Variants in FOXP1 observed in about 807,000 individuals in gnomAD.
FOXP1 encodes forkhead box P1.
Under a neutral mutation model 98.2 loss-of-function variants are expected in FOXP1, and 15 were observed. That is an observed-to-expected ratio of 0.15 (90% CI 0.10 to 0.24). The LOEUF (loss-of-function observed/expected upper bound fraction) is 0.24. Ranked by LOEUF, FOXP1 falls within the 10% of genes least tolerant of loss-of-function variation. The pLI is 1.00. For synonymous variants in FOXP1, 371 were observed against 314.5 expected, an observed-to-expected ratio of 1.18 and a Z score of -1.90; for missense variants, 633 against 848.5, an observed-to-expected ratio of 0.75 and a Z score of 3.15.
intron 6 of FOXP1, among the ~76,000 whole-genome samples, chr3:71,190,188 G>A (rs1017382714): frequency 6.6e-6 from 1 of 152,048 alleles, no homozygotes; most frequent in Non-Finnish European, 1.5e-5. Flanking sequence ...TCTTCCTACT[G>A]CCTCCATAGT....
At chr3:71,344,828 G>A (rs1014826780) in intron 4 of FOXP1, among the ~76,000 whole-genome samples, 17 of 123,428 alleles carry the variant, frequency 1.4e-4, no homozygotes, top group African/African-American at 3.5e-4. Context: ...GCGAGAGTCC[G>A]TCTCAATTAA....
chr3:71,518,697 G>T (rs1356739469), intron 2 of FOXP1, among the ~76,000 whole-genome samples: 1 of 152,190 alleles, frequency 6.6e-6, no homozygotes, highest in African/African-American at 2.4e-5. Context: ...TTGCAAGAGA[G>T]GCCTTGTCAA....
chr3:71,197,864 T>G (rs757195307), intron 6 of FOXP1: 13 of 1,613,054 alleles, frequency 8.1e-6, no homozygotes, highest in East Asian at 4.5e-5. Context: ...TATTTTTGCA[T>G]GAAAGCAGTG....
intron 5 of FOXP1, among the ~76,000 whole-genome samples, chr3:71,241,791 A>G (rs904876149): frequency 3.3e-5 from 5 of 152,224 alleles, no homozygotes; most frequent in Non-Finnish European, 7.4e-5. Flanking sequence ...ATTAAATTAC[A>G]CCATAATTAG....
rs2031755920 is a variant in FOXP1, at chr3:70,956,266, A to C, written c.*2981T>G. On this transcript the variant is annotated 3_prime_UTR_variant, in exon 21 of 21. Transcript: ENST00000649528. The stretch of plus-strand genomic sequence containing the variant: ...CAACGTAATAAACCCCATCCTAAAG[A>C]AGCAACTGGGATAACCCCCAGGGGA... 1 of 233,566 alleles carries C rather than the reference A, an allele frequency of 4.3e-6. No homozygotes were observed. Among genetic ancestry groups the C allele is most frequent in the East Asian group, 6.0e-5 (1 of 16,552 alleles). The allele number at this position is 233,566 out of a possible 1,614,324, so 14.5% of individuals were successfully genotyped here.
At position 71,365,381 on chromosome 3, in the gene FOXP1, C is replaced by T. The variant is rs1037431543; in HGVS notation, c.-167-6137G>A. Among the ~76,000 whole-genome samples the T allele has an allele frequency of 6.6e-5, 10 of 151,082 alleles. 1 individual carries two copies. Among genetic ancestry groups the T allele is most frequent in the African/African-American group, 9.8e-5 (4 of 40,946 alleles). On this transcript the variant is annotated intron_variant, in intron 3 of 20. Transcript: ENST00000649528. ...CATGCCACCTTTCCAAGGGCCCATG[C>T]GCCCACATAGACAGCTTACTAGAAT...
intron 7 of FOXP1, among the ~76,000 whole-genome samples, chr3:71,076,068 A>T (rs2053775260): frequency 6.6e-6 from 1 of 152,076 alleles, no homozygotes; most frequent in Non-Finnish European, 1.5e-5. Context: ...GTCAAGAACA[A>T]TGAACTGTAG....
At chr3:71,215,065 G>A (rs2064820228) in intron 5 of FOXP1, among the ~76,000 whole-genome samples, 1 of 152,198 alleles carries the variant, frequency 6.6e-6, no homozygotes, top group South Asian at 2.1e-4. Context: ...ATGAGAACCT[G>A]CATTTTAAAA....
intron 6 of FOXP1, among the ~76,000 whole-genome samples, chr3:71,156,715 T>G (rs1236775636): frequency 1.3e-5 from 2 of 152,188 alleles, no homozygotes; most frequent in East Asian, 1.9e-4. Flanking sequence ...CAAAGGAACT[T>G]GATTTTAGTG....
At chr3:71,075,328 G>A (rs1354014368) in intron 7 of FOXP1, among the ~76,000 whole-genome samples, 1 of 152,160 alleles carries the variant, frequency 6.6e-6, no homozygotes, top group Non-Finnish European at 1.5e-5. Context: ...CACTTAAAAT[G>A]CTTCCTAATG....
chr3:71,432,064 G>T (rs1483616672), intron 3 of FOXP1, among the ~76,000 whole-genome samples: 1 of 152,160 alleles, frequency 6.6e-6, no homozygotes, highest in Non-Finnish European at 1.5e-5. Context: ...TTTATGGCAA[G>T]AATTTCTTAA....
At chr3:71,497,389 T>C (rs976752583) in intron 2 of FOXP1, among the ~76,000 whole-genome samples, 3 of 152,208 alleles carry the variant, frequency 2.0e-5, no homozygotes, top group Non-Finnish European at 2.9e-5. Flanking sequence ...AGCCAACTTG[T>C]GAAGTAGAGT....
chr3:71,194,019 C>T (rs913448129), intron 6 of FOXP1, among the ~76,000 whole-genome samples: 2 of 152,188 alleles, frequency 1.3e-5, no homozygotes, highest in African/African-American at 4.8e-5. Flanking sequence ...TTCTGGGCCA[C>T]AAGACCCAAC....
intron 3 of FOXP1, among the ~76,000 whole-genome samples, chr3:71,470,521 C>T (rs1422108842): frequency 2.0e-5 from 3 of 152,118 alleles, no homozygotes; most frequent in Non-Finnish European, 2.9e-5. Context: ...GGGCAGATTG[C>T]CTGAGCTCAG....
chr3:71,058,605 GAAA>G (rs747147944), intron 7 of FOXP1, among the ~76,000 whole-genome samples: 1 of 104,072 alleles, frequency 9.6e-6, no homozygotes, highest in Non-Finnish European at 2.0e-5. Flanking sequence ...AGAGAGAGGA[GAAA>G]AAAAAAAAAA....
At chr3:71,333,148 CA>C in intron 4 of FOXP1, 1 of 152,260 alleles carries the variant, frequency 6.6e-6, no homozygotes, top group Non-Finnish European at 1.5e-5. Context: ...GAATCAAAAT[CA>C]AAAAGGACAG....
At chr3:71,006,761 T>A (rs1371149805) in intron 12 of FOXP1, among the ~76,000 whole-genome samples, 1 of 152,182 alleles carries the variant, frequency 6.6e-6, no homozygotes, top group African/African-American at 2.4e-5. Flanking sequence ...GATATAGATG[T>A]ACCGCATGCA....
Position 71,301,659 on chromosome 3 carries a change from A to C in FOXP1, c.-72-1779T>G, listed in dbSNP as rs537415094. 2.0e-5 allele frequency among the ~76,000 whole-genome samples: 3 copies of C among 152,360 alleles called. No homozygotes were observed. In the South Asian group the frequency reaches 6.2e-4, roughly 32 times the overall value. ...CCTATAGTATTAGACTTTGCAATGCAGATGAGATTTGCCATCATATAGGCC... is the reference window on the plus strand; with the variant it reads ...CCTATAGTATTAGACTTTGCAATGCCGATGAGATTTGCCATCATATAGGCC... On this transcript the variant is annotated intron_variant, in intron 4 of 20. Coordinates refer to ENST00000649528, the MANE Select transcript of FOXP1 (RefSeq NM_001349338.3).
chr3:71,220,227 GTGAA>G (rs146682363), intron 5 of FOXP1, among the ~76,000 whole-genome samples: 2 of 152,132 alleles, frequency 1.3e-5, no homozygotes, highest in African/African-American at 4.8e-5. Context: ...TGTCAGACGA[GTGAA>G]TGAATGAATG....
Sources: allele counts gnomAD v4.1 joint callset (sites outside exome capture counted in the v4.1 genomes callset), GRCh38; gene constraint gnomAD v4.1.1; transcripts MANE v1.5; gene names NCBI Gene and HGNC (gene_info 2026-07-23, HGNC 2026-07-21).